The following TBC1D2B variants were observed in gnomAD, a reference collection of about 807,000 sequenced individuals.
The protein encoded by TBC1D2B is TBC1 domain family member 2B.
In TBC1D2B, 64 loss-of-function variants were observed where a neutral mutation model predicts 100.8. The observed-to-expected ratio is 0.64, with a 90% confidence interval of 0.52 to 0.78. The LOEUF is 0.78. Among genes scored for constraint, TBC1D2B ranks in the 30% least tolerant of loss-of-function variants. The pLI, the probability that TBC1D2B is intolerant of heterozygous loss-of-function variation, is 0.00. For missense variants in TBC1D2B, 1,052 were observed against 1,218.4 expected, an observed-to-expected ratio of 0.86 and a Z score of 2.03; for synonymous variants, 480 against 479.7, an observed-to-expected ratio of 1.00 and a Z score of -0.01.
chr15:78,021,851 G>A (rs900074763), intron 6 of TBC1D2B, among the ~76,000 whole-genome samples: 16 of 152,046 alleles, frequency 1.1e-4, no homozygotes, highest in Non-Finnish European at 2.9e-5. Context: ...TGTTCTGACA[G>A]CGCTGTATCC....
chr15:78,035,381 T>A (rs949120332), intron 3 of TBC1D2B, among the ~76,000 whole-genome samples: 2 of 152,212 alleles, frequency 1.3e-5, no homozygotes, highest in Non-Finnish European at 2.9e-5. Flanking sequence ...AAATGTTCCA[T>A]CAAATTTCTT....
In TBC1D2B at chr15:78,057,933, G is replaced by C. The variant is rs138360446; in HGVS notation, c.361-3746C>G. 7.1e-3 allele frequency among the ~76,000 whole-genome samples: 1,087 copies of C among 152,300 alleles called. 10 individuals are homozygous for C. Among genetic ancestry groups the C allele is most frequent in the Middle Eastern group, 0.024 (7 of 294 alleles). On this transcript the variant is annotated intron_variant, in intron 1 of 12. Coordinates refer to ENST00000300584, the MANE Select transcript of TBC1D2B (RefSeq NM_144572.2). ...TAGCAAAGGACTAAATGGAGATTCG[G>C]CTCAGGCCTAATTAAATGTATAATC...
chr15:78,037,656 C>T (rs1387913379), intron 3 of TBC1D2B, among the ~76,000 whole-genome samples: 3 of 152,134 alleles, frequency 2.0e-5, no homozygotes, highest in Admixed American at 2.0e-4. Flanking sequence ...GGGCCAGCTG[C>T]CCAGCCAGGC....
At chr15:78,027,770 T>C (rs996679276) in intron 4 of TBC1D2B, among the ~76,000 whole-genome samples, 1 of 152,266 alleles carries the variant, frequency 6.6e-6, no homozygotes, top group Non-Finnish European at 1.5e-5. Context: ...ACAGTACTTA[T>C]TTTCAATAAC....
chr15:78,038,057 G>C (rs1344529482), intron 3 of TBC1D2B, among the ~76,000 whole-genome samples: 1 of 152,096 alleles, frequency 6.6e-6, no homozygotes, highest in Non-Finnish European at 1.5e-5. Context: ...GAGTATAAAG[G>C]GCAGAGGATG....
rs1471917186 is a variant in TBC1D2B, at chr15:78,040,882, G to GAAAGAAAGAA, written c.683+4017_683+4018insTTCTTTCTTT. 2.6e-3 allele frequency among the ~76,000 whole-genome samples: 339 copies of GAAAGAAAGAA among 130,150 alleles called. 4 individuals carry two copies. Among genetic ancestry groups the GAAAGAAAGAA allele is most frequent in the Middle Eastern group, 7.4e-3 (2 of 270 alleles). The allele number at this position is 130,150 out of a possible 152,430, so 85.4% of individuals were successfully genotyped here. ...AGAAAGAAAGAAAGAAAGAAAGAAA[G>GAAAGAAAGAA]AGAGAGAGAGAGAAAGAAAGAAAGA... On this transcript the variant is annotated intron_variant, in intron 3 of 12. Coordinates refer to ENST00000300584, the MANE Select transcript of TBC1D2B (RefSeq NM_144572.2).
intron 1 of TBC1D2B, among the ~76,000 whole-genome samples, chr15:78,067,729 T>C (rs554044388): frequency 6.6e-6 from 1 of 152,276 alleles, no homozygotes; most frequent in Non-Finnish European, 1.5e-5. Context: ...AAATCCCCAC[T>C]TCTCACACTG....
At chr15:78,046,735 G>T (rs1367191182) in intron 2 of TBC1D2B, among the ~76,000 whole-genome samples, 1 of 152,128 alleles carries the variant, frequency 6.6e-6, no homozygotes, top group Admixed American at 6.5e-5. Context: ...GCGTCCCAAA[G>T]TGCTGGGAAT....
At position 78,024,243 on chromosome 15, in the gene TBC1D2B, C is replaced by G. The variant is rs1031649476; in HGVS notation, c.1383G>C (p.Glu461Asp). 43 of 1,613,818 alleles carry G rather than the reference C, an allele frequency of 2.7e-5. No homozygotes were observed. Among genetic ancestry groups the G allele is most frequent in the Non-Finnish European group, 3.6e-5 (43 of 1,179,910 alleles). Reference sequence around the variant, plus strand: ...CCACGGTGGGAGGAGGCCCGTTGCCCTCGCCCTCGCTGAGCTTGATGATGA... The same window carrying G: ...CCACGGTGGGAGGAGGCCCGTTGCCGTCGCCCTCGCTGAGCTTGATGATGA... ...DEVIIKLSEG[E>D]GNGPPPTVAP... The change falls in exon 6 of 13, where the codon GAG (glutamate) becomes GAC (aspartate). Residue 461 changes from glutamate (E) to aspartate (D), a missense_variant. Coordinates refer to ENST00000300584, the MANE Select transcript of TBC1D2B (RefSeq NM_144572.2).
At position 78,052,217 on chromosome 15, in the gene TBC1D2B, T is replaced by C. The variant is rs141059895; in HGVS notation, c.514+1817A>G. Among the ~76,000 whole-genome samples the C allele has an allele frequency of 2.8e-4, 43 of 152,242 alleles. No homozygotes were observed. The East Asian group carries it at 7.4e-3, about 26-fold the overall frequency. ...TCATCTGACTCCCCTCCTCTCTACC[T>C]AGCTAGTTCCTGGCCATCCTCCAGG... On this transcript the variant is annotated intron_variant, in intron 2 of 12. Transcript: ENST00000300584.
At position 78,013,260 on chromosome 15, in the gene TBC1D2B, C is replaced by T; in HGVS notation, c.1833G>A (p.Leu611=). 6.2e-7 allele frequency: 1 copy of T among 1,613,954 alleles called. No individual in the cohort carries two copies. Among genetic ancestry groups the T allele is most frequent in the Non-Finnish European group, 8.5e-7 (1 of 1,179,876 alleles). ...TVPEDDEEEK[L]VAKVRALDLK... ...GATCCAACGCGCGGACCTTGGCAAC[C>T]AATTTCTCTTCCTCATCATCCTCAG... is the stretch of plus-strand genomic sequence containing the variant. Residue 611 remains leucine, a synonymous_variant, in exon 9 of 13, where the codon TTG becomes TTA. Coordinates refer to ENST00000300584, the MANE Select transcript of TBC1D2B (RefSeq NM_144572.2).
At chr15:78,050,898 G>A (rs567280425) in intron 2 of TBC1D2B, among the ~76,000 whole-genome samples, 2 of 152,252 alleles carry the variant, frequency 1.3e-5, no homozygotes, top group Admixed American at 6.5e-5. Flanking sequence ...GGTTTTGATC[G>A]TGGCCATATG....
chr15:78,076,940 G>T (rs1339628313), intron 1 of TBC1D2B, among the ~76,000 whole-genome samples: 1 of 152,254 alleles, frequency 6.6e-6, no homozygotes, highest in Non-Finnish European at 1.5e-5. Context: ...GGAGGCCCCA[G>T]GGGTAGAAGC....
chr15:78,050,205 C>T (rs1292037700), intron 2 of TBC1D2B, among the ~76,000 whole-genome samples: 3 of 152,206 alleles, frequency 2.0e-5, no homozygotes, highest in East Asian at 1.9e-4. Context: ...ACTCCTCCCA[C>T]GCCATCCCCT....
At chr15:78,014,537 C>G (rs117852056) in intron 8 of TBC1D2B, among the ~76,000 whole-genome samples, 1 of 152,272 alleles carries the variant, frequency 6.6e-6, no homozygotes, top group Non-Finnish European at 1.5e-5. Context: ...ACCTAAATGT[C>G]CTCCATGAGG....
At chr15:78,010,828 C>G (rs1161965832) in intron 9 of TBC1D2B, among the ~76,000 whole-genome samples, 1 of 152,202 alleles carries the variant, frequency 6.6e-6, no homozygotes, top group South Asian at 2.1e-4. Context: ...AGAAAAAAAT[C>G]CCAAAGAATT....
At chr15:78,033,421 G>A (rs1000407051) in intron 3 of TBC1D2B, among the ~76,000 whole-genome samples, 2 of 152,204 alleles carry the variant, frequency 1.3e-5, no homozygotes, top group Non-Finnish European at 2.9e-5. Flanking sequence ...TAAGGAGTAT[G>A]ATTCCATTTA....
Position 78,077,367 on chromosome 15 carries a change from C to G in TBC1D2B, c.286G>C (p.Glu96Gln). Residue 96 changes from glutamate (E) to glutamine (Q), a missense_variant, in exon 1 of 13, where the codon GAG becomes CAG. Coordinates refer to ENST00000300584, the MANE Select transcript of TBC1D2B (RefSeq NM_144572.2). ...DACFSYQGPD[E>Q]AAEPGTEPPA... is the part of the protein sequence containing the mutation. ...GGCTCCGTGCCCGGCTCCGCCGCCT[C>G]GTCGGGGCCCTGGTAGCTGAAGCAG... 6.5e-7 allele frequency: 1 copy of G among 1,540,744 alleles called. No individual in the cohort carries two copies. The highest frequency in any genetic ancestry group is 1.2e-5 in the South Asian group (1 of 83,110).
chr15:78,055,453 C>T (rs530800249), intron 1 of TBC1D2B, among the ~76,000 whole-genome samples: 129 of 152,246 alleles, frequency 8.5e-4, no homozygotes, highest in Middle Eastern at 3.4e-3. Flanking sequence ...TGCCATGACA[C>T]GATTATGGGA....
Sources: allele counts gnomAD v4.1 joint callset (sites outside exome capture counted in the v4.1 genomes callset), GRCh38; gene constraint gnomAD v4.1.1; transcripts MANE v1.5; gene names NCBI Gene and HGNC (gene_info 2026-07-23, HGNC 2026-07-21).